ARAP1: variants seen among roughly 807,000 people sequenced by gnomAD.
ARAP1 encodes the protein ArfGAP with RhoGAP domain, ankyrin repeat and PH domain 1.
A neutral mutation model predicts 172.2 loss-of-function variants in ARAP1; 76 were observed. The observed-to-expected ratio is 0.44, with a 90% CI of 0.37 to 0.53. ARAP1 has a LOEUF of 0.53. Among genes scored for constraint, ARAP1 ranks in the 20% least tolerant of loss-of-function variants. The pLI is 0.00. For synonymous variants in ARAP1, 804 were observed against 803.3 expected, an observed-to-expected ratio of 1.00 and a Z score of -0.01; for missense variants, 1,686 against 1,977.5, an observed-to-expected ratio of 0.85 and a Z score of 2.80.
At chr11:72,705,544 C>T (rs1466167996) in intron 13 of ARAP1, 2 of 483,216 alleles carry the variant, frequency 4.1e-6, no homozygotes, top group African/African-American at 3.9e-5. Context: ...CACATACAGT[C>T]TCTGCTGCAT....
At chr11:72,721,947 C>G in intron 3 of ARAP1, 1 of 986,548 alleles carries the variant, frequency 1.0e-6, no homozygotes, top group East Asian at 1.1e-4. Context: ...CCCGTGCAAG[C>G]CTGGGTCCCG....
chr11:72,720,539 G>C (rs1275982603), intron 3 of ARAP1, among the ~76,000 whole-genome samples: 1 of 152,156 alleles, frequency 6.6e-6, no homozygotes, highest in East Asian at 1.9e-4. Context: ...CAGCACAGAA[G>C]GGGCTTTAGT....
chr11:72,689,331 C>A (rs908994580), intron 30 of ARAP1, among the ~76,000 whole-genome samples: 18 of 152,304 alleles, frequency 1.2e-4, no homozygotes, highest in African/African-American at 4.1e-4. Flanking sequence ...GGAGGTCAAG[C>A]TAATGAGGCT....
At chr11:72,738,108 G>A (rs536421980) in intron 1 of ARAP1, among the ~76,000 whole-genome samples, 1 of 152,204 alleles carries the variant, frequency 6.6e-6, no homozygotes, top group East Asian at 1.9e-4. Flanking sequence ...CTTGGGCCTT[G>A]AAGGATAAGT....
chr11:72,685,686 A>G lies in ARAP1; in HGVS notation c.4336-5T>C. ...TGCTCAGACGTTGCGCAGAAGCTGC[A>G]GGAAGGCAAGAGACCCACAGGTATT... is the stretch of plus-strand genomic sequence containing the variant. On this transcript the variant is annotated splice_polypyrimidine_tract_variant and splice_region_variant and intron_variant, in intron 34 of 34. Transcript: ENST00000393609. The G allele has an allele frequency of 6.2e-7, 1 of 1,614,028 alleles. No homozygotes were observed. Among genetic ancestry groups the G allele is most frequent in the African/African-American group, 1.3e-5 (1 of 75,046 alleles).
rs775913346 is a variant in ARAP1 at position 72,693,780 on chromosome 11, C to T, written c.3720G>A (p.Lys1240=). The part of the protein sequence containing the change: ...EAERPLHFAE[K]VLPILHGLGT... ...CCAGCCCGTGCAGGATGGGCAGCAC[C>T]TTCTCCGCAAAGTGCAGGGGGCGCT... Residue 1240 remains lysine (K), a synonymous_variant, in exon 28 of 35, where the codon AAG becomes AAA. Coordinates refer to ENST00000393609, the MANE Select transcript of ARAP1 (RefSeq NM_001040118.3). The surrounding 1 kb of genome is among the most constrained non-coding windows in gnomAD (Gnocchi z 4.6). The T allele has an allele frequency of 4.4e-6, 7 of 1,608,014 alleles. No homozygotes were observed. The South Asian group carries it at 7.8e-5, about 18-fold the overall frequency.
chr11:72,701,869 G>A, intron 15 of ARAP1, 86 bp from the exon 16 acceptor site: 1 of 1,527,294 alleles, frequency 6.5e-7, no homozygotes, highest in Non-Finnish European at 8.9e-7. Flanking sequence ...TGGGCATTCA[G>A]GCTCACTTTC....
chr11:72,743,295 T>C (rs1475822489), intron 1 of ARAP1, among the ~76,000 whole-genome samples: 3 of 152,242 alleles, frequency 2.0e-5, no homozygotes, highest in Non-Finnish European at 4.4e-5. Flanking sequence ...TGCAGGCATA[T>C]TGAGCAGGCA....
intron 1 of ARAP1, among the ~76,000 whole-genome samples, chr11:72,746,642 G>A (rs1039998080): frequency 9.2e-5 from 14 of 152,094 alleles, no homozygotes; most frequent in African/African-American, 3.4e-4. Context: ...GAAGGGAGTG[G>A]AGAGGAGTGG....
At position 72,701,774 on chromosome 11, in the gene ARAP1, C is replaced by T. The variant is rs376893105; in HGVS notation, c.2177G>A (p.Arg726Gln). 15 of 1,613,412 alleles carry T rather than the reference C, an allele frequency of 9.3e-6. No individual in the cohort carries two copies. The highest frequency in any genetic ancestry group is 1.3e-5 in the African/African-American group (1 of 75,026). Residue 726 changes from arginine (R) to glutamine (Q), a missense_variant, in exon 16 of 35, where the codon CGG (arginine) becomes CAG (glutamine). Arg to Gln is a conservative substitution (Grantham distance 43, BLOSUM62 1). This residue lies in a region of ARAP1 where 688 missense variants were observed against 856.9 expected (regional missense o/e 0.80). Transcript: ENST00000393609. ...LRNNRTTEVP[R>Q]LDSMKPLEKH... ...TTCCAGGGGCTTCATCGAGTCCAGC[C>T]GAGGCACCTCTTTGTAGGCGGGGAA...
At position 72,693,900 on chromosome 11, in the gene ARAP1, C is replaced by A. The variant is rs1856052089; in HGVS notation, c.3695-95G>T. 19 of 984,280 alleles carry A rather than the reference C, an allele frequency of 1.9e-5. No individual in the cohort carries two copies. The highest frequency in any genetic ancestry group is 7.4e-5 in the Admixed American group (3 of 40,378). 61.0% of individuals were successfully genotyped at this position (984,280 alleles called of 1,614,324 possible). ...CACATATCACCTACACATCCCCTGT[C>A]CACTCCAACCATATGCAAGTGCCAC... On this transcript the variant is annotated intron_variant, in intron 27 of 34. Transcript: ENST00000393609. This position sits in a 1 kb window ranked among gnomAD's most constrained non-coding sequence, Gnocchi z 4.6.
intron 3 of ARAP1, among the ~76,000 whole-genome samples, chr11:72,716,322 A>G (rs534047047): frequency 6.6e-6 from 1 of 152,282 alleles, no homozygotes; most frequent in South Asian, 2.1e-4. Context: ...ACCTTCTACT[A>G]TACTTGTCTC....
intron 1 of ARAP1, among the ~76,000 whole-genome samples, chr11:72,748,330 G>A (rs555536842): frequency 1.3e-5 from 2 of 152,174 alleles, no homozygotes; most frequent in East Asian, 3.9e-4. Flanking sequence ...GATCATCCTG[G>A]CCAACATGGT....
chr11:72,722,151 CAGAG>C (rs3029807), intron 3 of ARAP1: 138,853 of 940,276 alleles, frequency 0.15, 6,439 homozygotes, highest in South Asian at 0.18. Context: ...GAGGAAAGGA[CAGAG>C]AGAGAGAGAG....
chr11:72,697,822 A>G lies in ARAP1; in HGVS notation c.2737+89T>C, dbSNP rs1032652770. 6.4e-5 allele frequency: 96 copies of G among 1,489,570 alleles called. No homozygotes were observed. The Middle Eastern group carries it at 9.3e-4, about 14-fold the overall frequency. The allele number at this position is 1,489,570 out of a possible 1,614,324, so 92.3% of individuals were successfully genotyped here. ...GATGGCGGCTCTGGCCAGGCCAGGC[A>G]GAGTTCAGATTTCCAGGCAAGGGCT... On this transcript the variant is annotated intron_variant, in intron 19 of 34. Coordinates refer to ENST00000393609, the MANE Select transcript of ARAP1 (RefSeq NM_001040118.3).
In ARAP1 at chr11:72,697,592, G is replaced by A. The variant is rs780987796; in HGVS notation, c.2789+6C>T. On this transcript the variant is annotated splice_donor_region_variant and intron_variant, in intron 20 of 34. Transcript: ENST00000393609. ...CTCAGAGCCCCTCAGGGAGGCCGTG[G>A]CTCACCTCCTTCGCTCCACCAGCAC... 2 of 1,614,074 alleles carry A rather than the reference G, an allele frequency of 1.2e-6. No homozygotes were observed. The highest frequency in any genetic ancestry group is 1.7e-6 in the Non-Finnish European group (2 of 1,179,974).
chr11:72,734,253 T>TG (rs1857947071), intron 1 of ARAP1, among the ~76,000 whole-genome samples: 1 of 152,190 alleles, frequency 6.6e-6, no homozygotes, highest in African/African-American at 2.4e-5. Context: ...CCTGAGTAGC[T>TG]GGAACTACAA....
rs975684375 is a variant in ARAP1, at chr11:72,695,983, G to A, written c.3273-118C>T. ...GGTCAGAGGGGACCACTGTTTAACA[G>A]GGTAGGAACAGTTTTTCTGGCCATA... On this transcript the variant is annotated intron_variant, in intron 23 of 34. Coordinates refer to ENST00000393609, the MANE Select transcript of ARAP1 (RefSeq NM_001040118.3). The surrounding 1 kb of genome is among the most constrained non-coding windows in gnomAD (Gnocchi z 4.4). 4.7e-6 allele frequency: 6 copies of A among 1,279,912 alleles called. No homozygotes were observed. The highest frequency in any genetic ancestry group is 4.2e-6 in the Non-Finnish European group (4 of 955,106). The allele number at this position is 1,279,912 out of a possible 1,614,324, so 79.3% of individuals were successfully genotyped here.
intron 5 of ARAP1, chr11:72,712,933 C>A: frequency 5.0e-6 from 3 of 599,866 alleles, no homozygotes; most frequent in Non-Finnish European, 8.9e-6. Context: ...GGGGGGAGGC[C>A]ACATGCCCAC....
Sources: gnomAD v4.1 joint callset for allele counts (sites outside exome capture counted in the v4.1 genomes callset) on GRCh38, gnomAD v4.1.1 for gene constraint, gnomAD v4.1.1 regional missense constraint, Gnocchi (gnomAD v3.1) non-coding constraint, MANE v1.5 for transcripts, NCBI Gene and HGNC (gene_info 2026-07-23, HGNC 2026-07-21) for gene names.